Variants in LRP1B observed in about 807,000 individuals in gnomAD.
LRP1B encodes the protein LDL receptor related protein 1B.
Under a neutral mutation model 556.6 loss-of-function variants are expected in LRP1B, and 217 were observed. The ratio of observed to expected loss-of-function variants is 0.39; its 90% confidence interval spans 0.35 to 0.44. The LOEUF (loss-of-function observed/expected upper bound fraction) is 0.44, where lower values mean the gene tolerates loss of function less well. Ranked by LOEUF, LRP1B falls within the 20% of genes least tolerant of loss-of-function variation. The pLI is 1.00. For missense variants in LRP1B, 5,053 were observed against 5,620.8 expected, an observed-to-expected ratio of 0.90 and a Z score of 3.23; for synonymous variants, 2,047 against 1,865.8, an observed-to-expected ratio of 1.10 and a Z score of -2.50.
intron 13 of LRP1B, among the ~76,000 whole-genome samples, chr2:141,014,071 A>G (rs1244598515): frequency 2.6e-5 from 4 of 152,038 alleles, no homozygotes; most frequent in African/African-American, 9.7e-5. Context: ...CCCTACTCTC[A>G]TTCCTGTTCC....
At chr2:141,991,300 CCAA>C (rs1702336689) in intron 1 of LRP1B, among the ~76,000 whole-genome samples, 1 of 151,996 alleles carries the variant, frequency 6.6e-6, no homozygotes, top group Non-Finnish European at 1.5e-5. Flanking sequence ...CTAAATTTCT[CCAA>C]CAACTATTAT....
intron 79 of LRP1B, among the ~76,000 whole-genome samples, chr2:140,327,989 A>AAATTAAAAAGTT (rs1491472332): frequency 8.5e-5 from 13 of 152,208 alleles, no homozygotes; most frequent in African/African-American, 3.1e-4. Flanking sequence ...ATAGTCTTCT[A>AAATTAAAAAGTT]AATTAAAAAG....
At chr2:141,205,795 C>A (rs1360316491) in intron 6 of LRP1B, among the ~76,000 whole-genome samples, 1 of 152,038 alleles carries the variant, frequency 6.6e-6, no homozygotes. Flanking sequence ...AATTTGGAGA[C>A]AACTAAATAT....
intron 2 of LRP1B, among the ~76,000 whole-genome samples, chr2:141,612,961 C>G (rs36023464): frequency 1.3e-5 from 2 of 151,296 alleles, no homozygotes; most frequent in East Asian, 3.9e-4. Flanking sequence ...TGCCACCACA[C>G]CCAGCTAATT....
intron 1 of LRP1B, among the ~76,000 whole-genome samples, chr2:141,852,012 C>T (rs371606440): frequency 6.6e-5 from 10 of 151,812 alleles, no homozygotes; most frequent in Middle Eastern, 3.4e-3. Flanking sequence ...AGGAATTAGC[C>T]ATAATCCTAT....
At chr2:141,043,359 AGTAGAT>A (rs1238386506) in intron 11 of LRP1B, among the ~76,000 whole-genome samples, 14 of 152,008 alleles carry the variant, frequency 9.2e-5, no homozygotes, top group African/African-American at 3.4e-4. Flanking sequence ...TACGACTTGA[AGTAGAT>A]GAATTGAATC....
chr2:141,543,459 T>G (rs533151377), intron 2 of LRP1B, among the ~76,000 whole-genome samples: 47 of 144,762 alleles, frequency 3.2e-4, no homozygotes, highest in Admixed American at 5.0e-4. Context: ...AAGTTGAGGT[T>G]GCAGTGAGCT....
intron 2 of LRP1B, among the ~76,000 whole-genome samples, chr2:141,644,054 G>A (rs1357510067): frequency 6.7e-6 from 1 of 149,256 alleles, no homozygotes; most frequent in African/African-American, 2.5e-5. Context: ...GTGTGTGTAT[G>A]TGAGTAAAAT....
At chr2:141,344,147 G>A (rs1323161074) in intron 3 of LRP1B, among the ~76,000 whole-genome samples, 1 of 152,088 alleles carries the variant, frequency 6.6e-6, no homozygotes, top group Non-Finnish European at 1.5e-5. Context: ...CCTTGTTTTA[G>A]GTCAAAGGGT....
chr2:141,464,606 A>ATT (rs71391651), intron 3 of LRP1B, among the ~76,000 whole-genome samples: 1,137 of 90,518 alleles, frequency 0.013, 116 homozygotes, highest in African/African-American at 0.039. Context: ...ATATATATAT[A>ATT]TTTTTTTAGT....
chr2:140,277,831 T>C lies in LRP1B; in HGVS notation c.12968-3233A>G, dbSNP rs956835809. Among the ~76,000 whole-genome samples the C allele has an allele frequency of 3.9e-5, 6 of 152,036 alleles. No individual in the cohort carries two copies. In the South Asian group the frequency reaches 6.2e-4, roughly 16 times the overall value. On this transcript the variant is annotated intron_variant, in intron 84 of 90. Coordinates refer to ENST00000389484, the MANE Select transcript of LRP1B (RefSeq NM_018557.3). ...TTGGAAAACGGTTGGCAATATCTCCTAAGTTTCAGCATACGCACACCTTAT... is the reference window on the plus strand; with the variant it reads ...TTGGAAAACGGTTGGCAATATCTCCCAAGTTTCAGCATACGCACACCTTAT...
chr2:141,361,100 C>A (rs1485571983), intron 3 of LRP1B, among the ~76,000 whole-genome samples: 1 of 152,020 alleles, frequency 6.6e-6, no homozygotes, highest in African/African-American at 2.4e-5. Context: ...AACTTAATCT[C>A]ATTTTTATTT....
rs562750115 is a variant in LRP1B, at chr2:140,298,962, CTTAG to C, written c.12806-997_12806-994del. On this transcript the variant is annotated intron_variant, in intron 83 of 90. Transcript: ENST00000389484. The stretch of plus-strand genomic sequence containing the variant: ...ACAACATGAAAGAGTATGAGAGAGA[CTTAG>C]TTATAGATTTCAGTTAAGACTCAGA... 1.4e-4 allele frequency among the ~76,000 whole-genome samples: 21 copies of C among 152,126 alleles called. 1 individual carries two copies. In the South Asian group the frequency reaches 2.9e-3, roughly 21 times the overall value.
intron 32 of LRP1B, among the ~76,000 whole-genome samples, chr2:140,788,120 C>T (rs1251057596): frequency 3.3e-5 from 5 of 152,134 alleles, no homozygotes; most frequent in South Asian, 2.1e-4. Context: ...AAATGAGAAA[C>T]ATTCCACCAT....
chr2:140,542,557 T>C (rs898868265), intron 43 of LRP1B, among the ~76,000 whole-genome samples: 2 of 152,124 alleles, frequency 1.3e-5, no homozygotes, highest in African/African-American at 2.4e-5. Context: ...CAGCAAAATA[T>C]AGTAAACAAC....
At chr2:141,917,100 T>C (rs1700058579) in intron 1 of LRP1B, among the ~76,000 whole-genome samples, 1 of 152,180 alleles carries the variant, frequency 6.6e-6, no homozygotes, top group Non-Finnish European at 1.5e-5. Flanking sequence ...ATAACACTTA[T>C]ACCTAACTTT....
intron 31 of LRP1B, among the ~76,000 whole-genome samples, chr2:140,824,957 G>A (rs551322680): frequency 9.9e-5 from 15 of 152,186 alleles, no homozygotes; most frequent in African/African-American, 3.4e-4. Flanking sequence ...TATACGTTGA[G>A]GATATAATAG....
chr2:140,616,673 A>G (rs888192537), intron 41 of LRP1B, among the ~76,000 whole-genome samples: 1 of 151,912 alleles, frequency 6.6e-6, no homozygotes, highest in Non-Finnish European at 1.5e-5. Context: ...TCATTTATGA[A>G]TGATTCAGGT....
rs564111987 is a variant in LRP1B at position 142,049,046 on chromosome 2, T to C, written c.82+81602A>G. Among the ~76,000 whole-genome samples, 90 of 152,226 alleles carry C rather than the reference T, an allele frequency of 5.9e-4. 2 individuals carry two copies. The South Asian group carries it at 0.017, about 29-fold the overall frequency. On this transcript the variant is annotated intron_variant, in intron 1 of 90. Coordinates refer to ENST00000389484, the MANE Select transcript of LRP1B (RefSeq NM_018557.3). ...GACAATTTTAACTGCATTTTAACTG[T>C]TATTTGATTAAAGATCATTTTCATT...
Sources: gnomAD v4.1 joint callset for allele counts (sites outside exome capture counted in the v4.1 genomes callset) on GRCh38, gnomAD v4.1.1 for gene constraint, MANE v1.5 for transcripts, NCBI Gene and HGNC (gene_info 2026-07-23, HGNC 2026-07-21) for gene names.